The following ANKS1B variants were observed in gnomAD, a reference collection of about 807,000 sequenced individuals.
The protein encoded by ANKS1B is ankyrin repeat and sterile alpha motif domain-containing protein 1B.
In ANKS1B, 36 loss-of-function variants were observed where a neutral mutation model predicts 148.3. The ratio of observed to expected loss-of-function variants is 0.24; its 90% confidence interval spans 0.19 to 0.32. The LOEUF (loss-of-function observed/expected upper bound fraction) is 0.32, where lower values mean the gene tolerates loss of function less well. ANKS1B is among the 10% of genes least tolerant of loss of function. The probability of loss-of-function intolerance (pLI) is 1.00; values close to 1 mark genes in which losing one functional copy is unlikely to be tolerated. For synonymous variants in ANKS1B, 542 were observed against 560.8 expected (o/e 0.97, Z 0.47); for missense variants, 1,157 against 1,542.6 (o/e 0.75, Z 4.19).
At chr12:99,335,655 C>T (rs754271163) in intron 12 of ANKS1B, among the ~76,000 whole-genome samples, 9 of 152,090 alleles carry the variant, frequency 5.9e-5, no homozygotes, top group Admixed American at 6.6e-5. Flanking sequence ...CAGTCCCATC[C>T]ATATTGTTGC....
intron 14 of ANKS1B, among the ~76,000 whole-genome samples, chr12:99,191,602 C>T (rs1227609626): frequency 9.0e-5 from 13 of 145,156 alleles, no homozygotes; most frequent in African/African-American, 3.3e-4. Context: ...GAACAGAAAA[C>T]CAAACACCAT....
intron 14 of ANKS1B, among the ~76,000 whole-genome samples, chr12:99,157,992 A>G (rs565836470): frequency 6.6e-6 from 1 of 152,134 alleles, no homozygotes; most frequent in African/African-American, 2.4e-5. Context: ...TTATTCAATA[A>G]TTTTTACATG....
chr12:99,452,942 T>C (rs1434886231), intron 10 of ANKS1B, among the ~76,000 whole-genome samples: 2 of 152,170 alleles, frequency 1.3e-5, no homozygotes, highest in African/African-American at 2.4e-5. Flanking sequence ...ATTCACACTT[T>C]TGTGAAATTT....
At chr12:99,276,465 AG>A (rs2077684220) in intron 12 of ANKS1B, among the ~76,000 whole-genome samples, 1 of 152,196 alleles carries the variant, frequency 6.6e-6, no homozygotes, top group Non-Finnish European at 1.5e-5. Flanking sequence ...GGACATGCTG[AG>A]AGACACTTGA....
intron 1 of ANKS1B, among the ~76,000 whole-genome samples, chr12:99,941,122 A>G (rs1219938402): frequency 2.0e-5 from 3 of 152,164 alleles, no homozygotes; most frequent in African/African-American, 4.8e-5. Context: ...TTAAAGGAAT[A>G]AATAAACAGA....
At chr12:99,806,365 GCAT>G in intron 4 of ANKS1B, 36 bp downstream of exon 4, 1 of 1,601,494 alleles carries the variant, frequency 6.2e-7, no homozygotes, top group Non-Finnish European at 8.5e-7. Flanking sequence ...CCAAGCAACA[GCAT>G]CATCACTTTT....
chr12:99,878,222 C>T (rs1485467478), intron 1 of ANKS1B, among the ~76,000 whole-genome samples: 2 of 152,088 alleles, frequency 1.3e-5, no homozygotes, highest in Non-Finnish European at 2.9e-5. Context: ...ACATCTTGTT[C>T]AGGTTTCAAA....
intron 17 of ANKS1B, among the ~76,000 whole-genome samples, chr12:99,011,505 C>T (rs1019138252): frequency 1.3e-5 from 2 of 152,132 alleles, no homozygotes; most frequent in African/African-American, 4.8e-5. Context: ...TTTCCCATAA[C>T]ATAGGAAAGC....
intron 1 of ANKS1B, among the ~76,000 whole-genome samples, chr12:99,973,207 G>A (rs2153837333): frequency 6.6e-6 from 1 of 152,314 alleles, no homozygotes; most frequent in African/African-American, 2.4e-5. Context: ...AGTAATTTTG[G>A]CTTTCAAGTC....
intron 1 of ANKS1B, among the ~76,000 whole-genome samples, chr12:99,965,526 G>A (rs960905594): frequency 6.6e-6 from 1 of 152,182 alleles, no homozygotes; most frequent in African/African-American, 2.4e-5. Context: ...ATAAGCAAGT[G>A]ATTAAAATGA....
At chr12:99,635,425 A>T (rs141643216) in intron 9 of ANKS1B, among the ~76,000 whole-genome samples, 1 of 152,318 alleles carries the variant, frequency 6.6e-6, no homozygotes, top group East Asian at 1.9e-4. Flanking sequence ...TTCAGCCTTA[A>T]AAAGAAAAAT....
chr12:98,901,591 C>T lies in ANKS1B; in HGVS notation c.2779-69455G>A, dbSNP rs966126178. Among the ~76,000 whole-genome samples the T allele has an allele frequency of 5.9e-5, 9 of 152,100 alleles. 1 individual carries two copies. The highest frequency in any genetic ancestry group is 3.3e-4 in the Admixed American group (5 of 15,274). On this transcript the variant is annotated intron_variant, in intron 17 of 26. Coordinates refer to ENST00000683438, the MANE Select transcript of ANKS1B (RefSeq NM_001352186.2). ...TCATGACATTGTGGAACTTTACCTC[C>T]CAATATGTAGAGAGCAGGGTTTTCA...
intron 9 of ANKS1B, among the ~76,000 whole-genome samples, chr12:99,615,124 G>A (rs995576798): frequency 1.3e-5 from 2 of 152,206 alleles, no homozygotes; most frequent in East Asian, 3.9e-4. Context: ...GAATTCCAAA[G>A]TGTTTACACA....
intron 8 of ANKS1B, among the ~76,000 whole-genome samples, chr12:99,762,292 A>G (rs1434233515): frequency 6.6e-6 from 1 of 152,138 alleles, no homozygotes; most frequent in Non-Finnish European, 1.5e-5. Flanking sequence ...ACTTCCAACT[A>G]TACTATACAG....
At chr12:99,249,431 A>G (rs1001329858) in intron 12 of ANKS1B, among the ~76,000 whole-genome samples, 1 of 152,198 alleles carries the variant, frequency 6.6e-6, no homozygotes, top group Non-Finnish European at 1.5e-5. Context: ...AAGTCCTCCA[A>G]TCACAAGCAG....
chr12:98,878,622 G>C (rs894397599), intron 17 of ANKS1B, among the ~76,000 whole-genome samples: 2 of 152,162 alleles, frequency 1.3e-5, no homozygotes, highest in East Asian at 3.9e-4. Context: ...GGGAGGACAG[G>C]AGAGCAGGAA....
intron 14 of ANKS1B, among the ~76,000 whole-genome samples, chr12:99,176,900 TAAG>T (rs1185926754): frequency 1.3e-5 from 2 of 152,188 alleles, no homozygotes; most frequent in African/African-American, 4.8e-5. Flanking sequence ...ATGCGCCAAT[TAAG>T]CCTCTTTTCT....
chr12:99,102,215 T>G (rs1024443821), intron 15 of ANKS1B, among the ~76,000 whole-genome samples: 5 of 152,128 alleles, frequency 3.3e-5, no homozygotes, highest in African/African-American at 1.2e-4. Context: ...CCCTTTGGTT[T>G]GGTAAAATAC....
intron 8 of ANKS1B, among the ~76,000 whole-genome samples, chr12:99,660,367 T>C (rs945049477): frequency 6.8e-5 from 10 of 146,574 alleles, no homozygotes; most frequent in Non-Finnish European, 1.4e-4. Flanking sequence ...CTTTTTCTTT[T>C]TTTTTTTTTT....
Sources: gnomAD v4.1 joint callset for allele counts (sites outside exome capture counted in the v4.1 genomes callset) on GRCh38, gnomAD v4.1.1 for gene constraint, MANE v1.5 for transcripts, NCBI Gene and HGNC (gene_info 2026-07-23, HGNC 2026-07-21) for gene names.